Variants in SLC2A9 observed in about 807,000 individuals in gnomAD.
The protein encoded by SLC2A9 is solute carrier family 2 member 9.
Under a neutral mutation model 50.6 loss-of-function variants are expected in SLC2A9, and 39 were observed. The ratio of observed to expected loss-of-function variants is 0.77; its 90% confidence interval spans 0.60 to 1.01. The LOEUF (loss-of-function observed/expected upper bound fraction) is 1.01. Among genes scored for constraint, SLC2A9 ranks in the 50% least tolerant of loss-of-function variants. SLC2A9 has a pLI of 0.00. For missense variants in SLC2A9, 686 were observed against 677.6 expected, an observed-to-expected ratio of 1.01 and a Z score of -0.14; for synonymous variants, 324 against 276.9, an observed-to-expected ratio of 1.17 and a Z score of -1.69.
At chr4:9,798,868 G>A (rs781473922), downstream of SLC2A9, 12 of 152,174 alleles carry the variant, frequency 7.9e-5, no homozygotes, top group Non-Finnish European at 1.5e-4. Context: ...TCTAGAAGAT[G>A]GGGAAACTAA....
At chr4:9,782,219 G>A in intron 3 of SLC2A9, 1 of 1,612,656 alleles carries the variant, frequency 6.2e-7, no homozygotes, top group Non-Finnish European at 8.5e-7. Flanking sequence ...GGTGTGCGCA[G>A]CCATCGTGCG....
At chr4:9,851,562 T>C (rs1729927715) in intron 10 of SLC2A9, among the ~76,000 whole-genome samples, 1 of 152,168 alleles carries the variant, frequency 6.6e-6, no homozygotes, top group African/African-American at 2.4e-5. Context: ...CCAGCAATGG[T>C]TCTTAACCAT....
rs187758774 is a variant in SLC2A9, at chr4:9,829,840, G to A, written c.1420-3240C>T. On this transcript the variant is annotated intron_variant, in intron 11 of 11. Coordinates refer to ENST00000264784, the MANE Select transcript of SLC2A9 (RefSeq NM_020041.3). ...ACCATCTCATACCAGTCAAAATGGC[G>A]ATTATTAAAAAGTCAAGAAACAACA... is the stretch of plus-strand genomic sequence containing the variant. 1.4e-3 allele frequency among the ~76,000 whole-genome samples: 220 copies of A among 152,278 alleles called. 1 individual carries two copies. Among genetic ancestry groups the A allele is most frequent in the African/African-American group, 5.2e-3 (216 of 41,558 alleles).
At position 9,771,481 on chromosome 4, in the gene SLC2A9, C is replaced by A. The variant is rs1716806240; in HGVS notation, n.182-112G>T. 7.5e-6 allele frequency: 3 copies of A among 398,792 alleles called. No homozygotes were observed. In the South Asian group the frequency reaches 3.8e-4, roughly 51 times the overall value. The allele number at this position is 398,792 out of a possible 1,614,324, so 24.7% of individuals were successfully genotyped here. On this transcript the variant is annotated intron_variant and non_coding_transcript_variant, in intron 1 of 1. Coordinates refer to the SLC2A9 transcript ENST00000508585. The stretch of plus-strand genomic sequence containing the variant: ...TTTCCAGAACTCAGCCAGTACCCAA[C>A]ACAACTGCCAAAGAGTCTGGGAAGC...
chr4:9,933,459 T>TGAAGA (rs1746507822), intron 6 of SLC2A9, among the ~76,000 whole-genome samples: 1 of 152,120 alleles, frequency 6.6e-6, no homozygotes, highest in Admixed American at 6.5e-5. Flanking sequence ...CTGTAACCAT[T>TGAAGA]TCCTGGCATC....
At chr4:9,908,726 T>C (rs4518244) in intron 7 of SLC2A9, among the ~76,000 whole-genome samples, 32,773 of 151,800 alleles carry the variant, frequency 0.22, 4,203 homozygotes, top group African/African-American at 0.36. Flanking sequence ...CAACAGGCCC[T>C]GGTGTGTGAT....
chr4:9,776,379 G>T (rs752474462), downstream of SLC2A9, among the ~76,000 whole-genome samples: 1 of 151,928 alleles, frequency 6.6e-6, no homozygotes, highest in Non-Finnish European at 1.5e-5. Flanking sequence ...ATTCAGCCTG[G>T]ATACCCCACT....
chr4:9,829,596 G>T (rs943017135), intron 11 of SLC2A9, among the ~76,000 whole-genome samples: 7 of 151,920 alleles, frequency 4.6e-5, no homozygotes, highest in Admixed American at 2.0e-4. Flanking sequence ...CACAATGAGA[G>T]AAAGTTTTTG....
chr4:9,799,003 C>T (rs1560127609), downstream of SLC2A9: 1 of 152,254 alleles, frequency 6.6e-6, no homozygotes, highest in East Asian at 1.9e-4. Flanking sequence ...CCTTCCATCA[C>T]TCCACATTGC....
At chr4:9,898,589 G>A (rs899426284) in intron 8 of SLC2A9, among the ~76,000 whole-genome samples, 3 of 152,222 alleles carry the variant, frequency 2.0e-5, no homozygotes, top group Admixed American at 6.5e-5. Flanking sequence ...CCCTGTGCCA[G>A]GGTGAGCCTT....
rs558118813 is a variant in SLC2A9, at chr4:9,966,501, C to A, written c.681+14091G>T. Among the ~76,000 whole-genome samples the A allele has an allele frequency of 2.6e-4, 39 of 152,118 alleles. 1 individual carries two copies. In the East Asian group the frequency reaches 6.6e-3, roughly 26 times the overall value. On this transcript the variant is annotated intron_variant, in intron 5 of 11. Transcript: ENST00000264784. ...TGAAACTCCATCTCTACCAAAAATA[C>A]AAAAATTAGCCAGGTGTGGTGGTGG...
downstream of SLC2A9, among the ~76,000 whole-genome samples, chr4:9,794,357 T>C (rs1239896311): frequency 6.6e-6 from 1 of 152,216 alleles, no homozygotes; most frequent in African/African-American, 2.4e-5. Context: ...GGTTTCACCA[T>C]GTTGGTCAGG....
chr4:9,844,908 A>G (rs1312985344), intron 10 of SLC2A9, among the ~76,000 whole-genome samples: 1 of 152,242 alleles, frequency 6.6e-6, no homozygotes, highest in Non-Finnish European at 1.5e-5. Flanking sequence ...ATTTCTGTAA[A>G]GCCAGCTTTG....
At chr4:9,781,838 A>G (rs1383572589) in intron 3 of SLC2A9, 5 of 471,126 alleles carry the variant, frequency 1.1e-5, no homozygotes, top group Non-Finnish European at 1.8e-5. Flanking sequence ...CCATGGAGCC[A>G]GAGGCGCTTC....
intron 8 of SLC2A9, among the ~76,000 whole-genome samples, chr4:9,893,879 CAT>C (rs975195537): frequency 4.6e-5 from 7 of 152,188 alleles, no homozygotes; most frequent in South Asian, 2.1e-4. Context: ...CAATGCAACA[CAT>C]GTTAATCTCA....
At chr4:10,024,330 A>G (rs911898581), upstream of SLC2A9, among the ~76,000 whole-genome samples, 6 of 152,230 alleles carry the variant, frequency 3.9e-5, no homozygotes, top group African/African-American at 1.2e-4. Context: ...GTACCTGACA[A>G]TGTGACTGTA....
chr4:10,000,864 C>G (rs1274073062), intron 2 of SLC2A9, among the ~76,000 whole-genome samples: 1 of 152,112 alleles, frequency 6.6e-6, no homozygotes, highest in Admixed American at 6.5e-5. Flanking sequence ...TCTCCAGTTG[C>G]TCAGCCAAAA....
chr4:9,824,411 A>G (rs1724838420), downstream of SLC2A9, among the ~76,000 whole-genome samples: 1 of 152,206 alleles, frequency 6.6e-6, no homozygotes, highest in Admixed American at 6.5e-5. Flanking sequence ...GAGCTTTTCA[A>G]ATAAAATAAC....
At chr4:9,968,841 T>C (rs1239761858) in intron 5 of SLC2A9, among the ~76,000 whole-genome samples, 2 of 152,086 alleles carry the variant, frequency 1.3e-5, no homozygotes, top group African/African-American at 4.8e-5. Flanking sequence ...CTTTACTAAA[T>C]TTTTTTATTA....
Sources: gnomAD v4.1 joint callset for allele counts (sites outside exome capture counted in the v4.1 genomes callset) on GRCh38, gnomAD v4.1.1 for gene constraint, MANE v1.5 for transcripts, NCBI Gene and HGNC (gene_info 2026-07-23, HGNC 2026-07-21) for gene names.